Variants in TNS3 observed in about 807,000 individuals in gnomAD.
The protein encoded by TNS3 is tensin-3.
Under a neutral mutation model 140.9 loss-of-function variants are expected in TNS3, and 45 were observed. The observed-to-expected ratio is 0.32, with a 90% CI of 0.25 to 0.41. The LOEUF is 0.41. Ranked by LOEUF, TNS3 falls within the 10% of genes least tolerant of loss-of-function variation. The probability of loss-of-function intolerance (pLI) is 1.00; values close to 1 mark genes in which losing one functional copy is unlikely to be tolerated. For synonymous variants in TNS3, 815 were observed against 788.4 expected, an observed-to-expected ratio of 1.03 and a Z score of -0.56; for missense variants, 1,716 against 1,906.7, an observed-to-expected ratio of 0.90 and a Z score of 1.86.
chr7:47,401,494 T>G (rs774067527), intron 13 of TNS3, among the ~76,000 whole-genome samples: 1 of 151,838 alleles, frequency 6.6e-6, no homozygotes, highest in African/African-American at 2.4e-5. Context: ...ACAGAGAGGG[T>G]GTTGGCATTT....
At chr7:47,295,685 T>A (rs1584335136) in intron 24 of TNS3, among the ~76,000 whole-genome samples, 1 of 152,040 alleles carries the variant, frequency 6.6e-6, no homozygotes, top group Admixed American at 6.6e-5. Flanking sequence ...GAGCCCCGGG[T>A]CTTTCCCAGC....
At chr7:47,441,638 T>G (rs1056072096) in intron 5 of TNS3, among the ~76,000 whole-genome samples, 3 of 152,222 alleles carry the variant, frequency 2.0e-5, no homozygotes, top group Non-Finnish European at 4.4e-5. Context: ...GTCATGAGGA[T>G]CCACAGTGAG....
chr7:47,451,564 G>A (rs965230416), intron 4 of TNS3, among the ~76,000 whole-genome samples: 17 of 152,162 alleles, frequency 1.1e-4, no homozygotes, highest in African/African-American at 4.1e-4. Flanking sequence ...CTGGGCAACA[G>A]AGCGAGACTC....
chr7:47,463,414 G>A (rs1446611538), intron 4 of TNS3, among the ~76,000 whole-genome samples: 1 of 152,068 alleles, frequency 6.6e-6, no homozygotes, highest in Admixed American at 6.6e-5. Context: ...ACAGCACTCC[G>A]GCCTGGGTGA....
chr7:47,282,261 C>T (rs1467427403), intron 28 of TNS3, among the ~76,000 whole-genome samples: 1 of 150,240 alleles, frequency 6.7e-6, no homozygotes, highest in Non-Finnish European at 1.5e-5. Flanking sequence ...AACTGGGACC[C>T]TGGGTGAGCC....
At chr7:47,324,552 G>C (rs1787923946) in intron 20 of TNS3, among the ~76,000 whole-genome samples, 1 of 152,188 alleles carries the variant, frequency 6.6e-6, no homozygotes, top group Admixed American at 6.5e-5. Flanking sequence ...AGGAGTTTGA[G>C]ACCAGCCTGG....
At chr7:47,432,690 C>T (rs1794981635) in intron 8 of TNS3, among the ~76,000 whole-genome samples, 1 of 152,210 alleles carries the variant, frequency 6.6e-6, no homozygotes. Flanking sequence ...AAACCTACCC[C>T]TGCATTGTGG....
intron 20 of TNS3, among the ~76,000 whole-genome samples, chr7:47,311,828 A>C (rs1239391856): frequency 3.3e-5 from 5 of 152,226 alleles, no homozygotes; most frequent in African/African-American, 1.2e-4. Flanking sequence ...ACAAACAAAC[A>C]AAAAACCTAA....
At chr7:47,452,653 A>G (rs1244580751) in intron 4 of TNS3, among the ~76,000 whole-genome samples, 1 of 152,190 alleles carries the variant, frequency 6.6e-6, no homozygotes, top group African/African-American at 2.4e-5. Context: ...CTCAGGGAGG[A>G]CACAGAGATG....
At chr7:47,344,066 C>T (rs1000990434) in intron 20 of TNS3, among the ~76,000 whole-genome samples, 14 of 152,230 alleles carry the variant, frequency 9.2e-5, no homozygotes, top group East Asian at 5.8e-4. Flanking sequence ...GCGTAATGAA[C>T]GAAACTCCCA....
rs1424185623 is a variant in TNS3, at chr7:47,396,785, G to A, written c.1024+15C>T. ...CCTTTGCCTCCATAACTGCACACAAGATGAACACACGCACCTTCTCCATCT... is the reference window on the plus strand; with the variant it reads ...CCTTTGCCTCCATAACTGCACACAAAATGAACACACGCACCTTCTCCATCT... On this transcript the variant is annotated intron_variant, in intron 16 of 30. Coordinates refer to ENST00000311160, the MANE Select transcript of TNS3 (RefSeq NM_022748.12). 1 of 1,602,560 alleles carries A rather than the reference G, an allele frequency of 6.2e-7. No individual in the cohort carries two copies. The highest frequency in any genetic ancestry group is 8.6e-7 in the Non-Finnish European group (1 of 1,169,476).
At chr7:47,379,738 G>A (rs1257047122) in intron 16 of TNS3, among the ~76,000 whole-genome samples, 1 of 152,076 alleles carries the variant, frequency 6.6e-6, no homozygotes. Flanking sequence ...TCCTTCCCAA[G>A]CCCCCAAACC....
chr7:47,352,003 C>T (rs1207458149), intron 17 of TNS3, among the ~76,000 whole-genome samples: 8 of 152,120 alleles, frequency 5.3e-5, no homozygotes, highest in African/African-American at 1.4e-4. Flanking sequence ...CTCACTCTCA[C>T]GTGGTCTCTT....
At chr7:47,570,790 A>C (rs1030154301) in intron 1 of TNS3, among the ~76,000 whole-genome samples, 2 of 151,906 alleles carry the variant, frequency 1.3e-5, no homozygotes, top group Non-Finnish European at 2.9e-5. Flanking sequence ...GCTAACTCTA[A>C]GCTCCTTCTA....
intron 3 of TNS3, among the ~76,000 whole-genome samples, chr7:47,497,648 A>C: frequency 7.1e-6 from 1 of 140,616 alleles, no homozygotes; most frequent in Non-Finnish European, 1.6e-5. Context: ...CCTAGTACAG[A>C]GTTTCACGTA....
chr7:47,440,535 C>CT (rs1332253704), intron 5 of TNS3, among the ~76,000 whole-genome samples: 4 of 152,278 alleles, frequency 2.6e-5, no homozygotes, highest in Non-Finnish European at 5.9e-5. Flanking sequence ...GGCCAGCAGG[C>CT]TGAGGACTTG....
chr7:47,529,721 T>C lies in TNS3; in HGVS notation c.-264-574A>G, dbSNP rs117744851. On this transcript the variant is annotated intron_variant, in intron 1 of 30. Coordinates refer to ENST00000311160, the MANE Select transcript of TNS3 (RefSeq NM_022748.12). ...CTTCCTCAAACACAATTACAAGCAT[T>C]AGCACTTGGAAAAACTAACCACTCA... Among the ~76,000 whole-genome samples the C allele has an allele frequency of 6.0e-3, 912 of 152,310 alleles. 2 individuals are homozygous for C. The highest frequency in any genetic ancestry group is 0.024 in the Middle Eastern group (7 of 294).
intron 1 of TNS3, among the ~76,000 whole-genome samples, chr7:47,551,366 T>C (rs1032953988): frequency 6.6e-6 from 1 of 152,194 alleles, no homozygotes; most frequent in African/African-American, 2.4e-5. Context: ...TCTGTCTCAC[T>C]CCAGGTGTTT....
At chr7:47,388,874 GA>G (rs954004897) in intron 16 of TNS3, among the ~76,000 whole-genome samples, 2 of 140,386 alleles carry the variant, frequency 1.4e-5, no homozygotes, top group African/African-American at 5.4e-5. Context: ...CTCAAAGAAA[GA>G]AAAAAAAGAA....
Sources: allele counts gnomAD v4.1 joint callset (sites outside exome capture counted in the v4.1 genomes callset), GRCh38; gene constraint gnomAD v4.1.1; transcripts MANE v1.5; gene names NCBI Gene and HGNC (gene_info 2026-07-23, HGNC 2026-07-21).